ANKRD36: variants seen among roughly 807,000 people sequenced by gnomAD.
ANKRD36 encodes the protein ankyrin repeat domain-containing protein 36A.
ANKRD36 carries 179 observed loss-of-function variants against 278.1 expected under a neutral mutation model. That is an observed-to-expected ratio of 0.64 (90% CI 0.57 to 0.73). The LOEUF (loss-of-function observed/expected upper bound fraction) is 0.73, where lower values mean the gene tolerates loss of function less well. Among genes scored for constraint, ANKRD36 ranks in the 30% least tolerant of loss-of-function variants. ANKRD36 has a pLI of 0.00. For missense variants in ANKRD36, 1,159 were observed against 1,956.7 expected, an observed-to-expected ratio of 0.59 and a Z score of 7.69; for synonymous variants, 320 against 641.1, an observed-to-expected ratio of 0.50 and a Z score of 7.57.
intron 50 of ANKRD36, among the ~76,000 whole-genome samples, chr2:97,204,651 C>T (rs1575863907): frequency 6.6e-6 from 1 of 151,526 alleles, no homozygotes; most frequent in Non-Finnish European, 1.5e-5. Context: ...CTTGTTGTAA[C>T]AACCCGTAGA....
At chr2:97,184,498 A>G (rs909546267) in intron 28 of ANKRD36, among the ~76,000 whole-genome samples, 3 of 151,920 alleles carry the variant, frequency 2.0e-5, no homozygotes, top group Admixed American at 6.6e-5. Context: ...CAAAAATAAT[A>G]CTAAATGTAT....
chr2:97,231,225 T>C (rs1230755158), intron 67 of ANKRD36, among the ~76,000 whole-genome samples: 1 of 152,162 alleles, frequency 6.6e-6, no homozygotes, highest in East Asian at 2.0e-4. Context: ...TTTTTGTTTC[T>C]CTGTGCCCTG....
intron 10 of ANKRD36, among the ~76,000 whole-genome samples, chr2:97,145,458 G>A (rs2153455292): frequency 6.6e-6 from 1 of 152,094 alleles, no homozygotes; most frequent in African/African-American, 2.4e-5. Context: ...CATTGGCTTT[G>A]TTGTTCAGAG....
chr2:97,205,042 G>A (rs898063265), intron 50 of ANKRD36, among the ~76,000 whole-genome samples: 13 of 151,456 alleles, frequency 8.6e-5, no homozygotes, highest in Admixed American at 4.6e-4. Context: ...TAAAATAGCT[G>A]TTTAATGAAA....
intron 18 of ANKRD36, chr2:97,163,585 T>C (rs1429057192): frequency 2.1e-5 from 3 of 145,660 alleles, no homozygotes; most frequent in Non-Finnish European, 3.8e-5. Context: ...TTTTCTTTTC[T>C]TTTTTTTTGA....
intron 11 of ANKRD36, among the ~76,000 whole-genome samples, chr2:97,146,880 A>G (rs1020386991): frequency 6.6e-6 from 1 of 151,878 alleles, no homozygotes; most frequent in African/African-American, 2.4e-5. Flanking sequence ...ACTCAGATCA[A>G]TTCAGAAAGT....
At chr2:97,259,072 C>A (rs1193581609) in intron 75 of ANKRD36, among the ~76,000 whole-genome samples, 11 of 139,206 alleles carry the variant, frequency 7.9e-5, no homozygotes, top group Non-Finnish European at 1.7e-4. Flanking sequence ...GTTGTTTTTC[C>A]CCGATGGAAT....
intron 13 of ANKRD36, 85 bp downstream of exon 13, chr2:97,152,024 A>C: frequency 9.0e-7 from 1 of 1,111,076 alleles, no homozygotes; most frequent in Non-Finnish European, 1.3e-6. Flanking sequence ...CAGTCTTACT[A>C]GTCTGCAGCA....
intron 58 of ANKRD36, chr2:97,213,082 A>C: frequency 2.2e-6 from 1 of 446,752 alleles, no homozygotes; most frequent in Non-Finnish European, 3.9e-6. Context: ...CTGCTTTGAC[A>C]TTGATTCTCA....
At chr2:97,231,468 G>T (rs1388387160) in intron 67 of ANKRD36, among the ~76,000 whole-genome samples, 3 of 152,156 alleles carry the variant, frequency 2.0e-5, no homozygotes, top group African/African-American at 4.8e-5. Flanking sequence ...CTGGTGTGCC[G>T]TTTTTTAAGC....
Position 97,215,800 on chromosome 2 carries a change from C to T in ANKRD36, c.3673+303C>T, listed in dbSNP as rs1212534111. ...CTTTAATTCTACAGCAAGTTTCCAT[C>T]AAGAGGGGAAGGAGAAAGAGATGAA... On this transcript the variant is annotated intron_variant, in intron 62 of 75. Transcript: ENST00000420699. 1.7e-4 allele frequency: 108 copies of T among 640,756 alleles called. 2 individuals are homozygous for T. In the Middle Eastern group the frequency reaches 2.5e-3, roughly 15 times the overall value. 39.7% of individuals were successfully genotyped at this position (640,756 alleles called of 1,614,324 possible).
At chr2:97,225,295 G>C (rs940096985) in intron 67 of ANKRD36, among the ~76,000 whole-genome samples, 2 of 151,996 alleles carry the variant, frequency 1.3e-5, no homozygotes, top group Non-Finnish European at 1.5e-5. Flanking sequence ...TTTATTGCCA[G>C]TCACTAATAC....
intron 48 of ANKRD36, among the ~76,000 whole-genome samples, chr2:97,203,182 A>C (rs1271878692): frequency 2.0e-5 from 3 of 151,768 alleles, no homozygotes; most frequent in South Asian, 2.1e-4. Context: ...ATTTCATGAA[A>C]CTTCTTTAGA....
At position 97,217,341 on chromosome 2, in the gene ANKRD36, A is replaced by C; in HGVS notation, c.3744A>C (p.Thr1248=). 6.4e-7 allele frequency: 1 copy of C among 1,551,540 alleles called. No homozygotes were observed. The highest frequency in any genetic ancestry group is 2.5e-5 in the East Asian group (1 of 40,568). ...KKKVSLLNIA[T]RITGGWKSGT... ...AAGTTTCTCTTTTGAATATTGCCAC[A>C]AGAATAACAGGCGGTTGGAAATCTG... Residue 1248 remains threonine (T), a synonymous_variant, in exon 64 of 76, where the codon ACA becomes ACC. Transcript: ENST00000420699.
chr2:97,184,674 A>G (rs2057008326), intron 28 of ANKRD36, among the ~76,000 whole-genome samples: 1 of 151,666 alleles, frequency 6.6e-6, no homozygotes, highest in African/African-American at 2.4e-5. Flanking sequence ...CCATTAGTGG[A>G]TGAAGAAAAT....
At chr2:97,128,738 G>T (rs2039281907) in intron 6 of ANKRD36, among the ~76,000 whole-genome samples, 1 of 151,854 alleles carries the variant, frequency 6.6e-6, no homozygotes, top group Middle Eastern at 3.2e-3. Flanking sequence ...CTTCTTATCT[G>T]CTCCTTGTGG....
chr2:97,192,254 A>G (rs1406951894), intron 36 of ANKRD36, among the ~76,000 whole-genome samples: 3 of 151,734 alleles, frequency 2.0e-5, no homozygotes, highest in African/African-American at 4.8e-5. Context: ...AAGAAACTTA[A>G]GCAAATTATT....
At position 97,144,633 on chromosome 2, in the gene ANKRD36, C is replaced by T. The variant is rs768817493; in HGVS notation, c.931-7C>T. On this transcript the variant is annotated splice_region_variant and splice_polypyrimidine_tract_variant and intron_variant, in intron 9 of 75. Transcript: ENST00000420699. ...GTATTGATTATTTTGTTTGAAATCC[C>T]ACTCAGGATACAAGTGACAAGGATG... is the stretch of plus-strand genomic sequence containing the variant. 10 of 1,545,576 alleles carry T rather than the reference C, an allele frequency of 6.5e-6. No individual in the cohort carries two copies. In the Admixed American group the frequency reaches 1.2e-4, roughly 18 times the overall value.
chr2:97,195,778 A>G (rs1290236114), intron 40 of ANKRD36, among the ~76,000 whole-genome samples: 1 of 151,968 alleles, frequency 6.6e-6, no homozygotes, highest in Non-Finnish European at 1.5e-5. Context: ...CATTCCAATT[A>G]AGTCCTAGAG....
Sources: gnomAD v4.1 joint callset for allele counts (sites outside exome capture counted in the v4.1 genomes callset) on GRCh38, gnomAD v4.1.1 for gene constraint, MANE v1.5 for transcripts, NCBI Gene and HGNC (gene_info 2026-07-23, HGNC 2026-07-21) for gene names.